Variants in LOC122539214 observed in about 807,000 individuals in gnomAD.
chr19:52,682,538 G>A, the LOC122539214 span, among the ~76,000 whole-genome samples: 1 of 152,054 alleles, frequency 6.6e-6, no homozygotes, highest in Non-Finnish European at 1.5e-5. Flanking sequence ...AGGCATGGCA[G>A]TGCATACCTG....
the LOC122539214 span, among the ~76,000 whole-genome samples, chr19:52,672,974 C>T: frequency 6.6e-6 from 1 of 151,128 alleles, no homozygotes; most frequent in African/African-American, 2.5e-5. Context: ...AACAGAATGA[C>T]TGTAGTCAAT....
the LOC122539214 span, chr19:52,655,378 C>G: frequency 1.8e-6 from 1 of 571,264 alleles, no homozygotes; most frequent in East Asian, 3.1e-5. Context: ...TTATGTAAAA[C>G]CACTCCATAG....
At chr19:52,688,651 C>T in the LOC122539214 span, among the ~76,000 whole-genome samples, 1 of 152,010 alleles carries the variant, frequency 6.6e-6, no homozygotes, top group African/African-American at 2.4e-5. Context: ...ACCTCTTCTG[C>T]TCCATCCTTG....
At chr19:52,659,613 C>CAAAAAAAAAAAAA in the LOC122539214 span, among the ~76,000 whole-genome samples, 5 of 114,284 alleles carry the variant, frequency 4.4e-5, no homozygotes, top group African/African-American at 6.5e-5. Context: ...GACTCCAACT[C>CAAAAAAAAAAAAA]AAAAAAAAAA....
the LOC122539214 span, among the ~76,000 whole-genome samples, chr19:52,686,605 G>C: frequency 2.0e-5 from 3 of 151,420 alleles, no homozygotes; most frequent in African/African-American, 4.9e-5. Context: ...ATGGAGACTC[G>C]CTATGCCACC....
At chr19:52,650,888 G>A in the LOC122539214 span, 1 of 152,114 alleles carries the variant, frequency 6.6e-6, no homozygotes, top group Non-Finnish European at 1.5e-5. Flanking sequence ...GCTAATGAGT[G>A]GTCAAGGGAG....
the LOC122539214 span, among the ~76,000 whole-genome samples, chr19:52,676,693 A>G: frequency 3.4e-3 from 459 of 135,900 alleles, 14 homozygotes; most frequent in Middle Eastern, 0.026. Flanking sequence ...AAGCGGGGAA[A>G]GGTGGGGAAA....
chr19:52,663,322 C>A, the LOC122539214 span, among the ~76,000 whole-genome samples: 7 of 152,046 alleles, frequency 4.6e-5, no homozygotes, highest in Non-Finnish European at 7.3e-5. Context: ...AATTGTGAAC[C>A]CCTAGCTATA....
At chr19:52,683,323 A>T in the LOC122539214 span, among the ~76,000 whole-genome samples, 3 of 150,766 alleles carry the variant, frequency 2.0e-5, no homozygotes, top group African/African-American at 4.9e-5. Flanking sequence ...CCAGTAGAGC[A>T]TCATCGCCAC....
At chr19:52,689,123 G>C in the LOC122539214 span, among the ~76,000 whole-genome samples, 1 of 152,172 alleles carries the variant, frequency 6.6e-6, no homozygotes, top group Non-Finnish European at 1.5e-5. Flanking sequence ...TTATGCTATA[G>C]ATTACACAAC....
chr19:52,690,214 G>T, the LOC122539214 span, among the ~76,000 whole-genome samples: 1 of 151,112 alleles, frequency 6.6e-6, no homozygotes, highest in African/African-American at 2.4e-5. Flanking sequence ...ACAACTACGC[G>T]ATAGGAAGTG....
At chr19:52,654,072 C>T in the LOC122539214 span, 3 of 1,595,956 alleles carry the variant, frequency 1.9e-6, no homozygotes, top group Non-Finnish European at 2.6e-6. Flanking sequence ...TATCAATTTT[C>T]CCTTCAGTCT....
chr19:52,678,219 G>A, the LOC122539214 span, among the ~76,000 whole-genome samples: 24 of 151,972 alleles, frequency 1.6e-4, no homozygotes, highest in African/African-American at 5.1e-4. Flanking sequence ...TTGGGAGGTC[G>A]AGGCAGGTAG....
the LOC122539214 span, among the ~76,000 whole-genome samples, chr19:52,670,416 G>A: frequency 6.6e-6 from 1 of 152,126 alleles, no homozygotes; most frequent in African/African-American, 2.4e-5. Context: ...CCCCTCCCTT[G>A]TTCAGGTACG....
At chr19:52,664,636 G>T in the LOC122539214 span, among the ~76,000 whole-genome samples, 554 of 152,226 alleles carry the variant, frequency 3.6e-3, 1 homozygote, top group Admixed American at 7.1e-3. Flanking sequence ...AGCCAGGACT[G>T]GGGGGTGGAA....
the LOC122539214 span, among the ~76,000 whole-genome samples, chr19:52,684,387 A>G: frequency 1.3e-5 from 2 of 151,862 alleles, no homozygotes; most frequent in Non-Finnish European, 2.9e-5. Flanking sequence ...AAATAAAAAT[A>G]AAAATACAAA....
At chr19:52,684,583 G>C in the LOC122539214 span, among the ~76,000 whole-genome samples, 28 of 151,222 alleles carry the variant, frequency 1.9e-4, no homozygotes, top group African/African-American at 6.1e-4. Flanking sequence ...AAGAAAAAGT[G>C]CTTCTGATAT....
the LOC122539214 span, among the ~76,000 whole-genome samples, chr19:52,666,310 A>C: frequency 6.6e-6 from 1 of 152,052 alleles, no homozygotes; most frequent in Admixed American, 6.6e-5. Context: ...AAAACAGTAT[A>C]CCCTATTCCT....
chr19:52,681,553 A>G, the LOC122539214 span, among the ~76,000 whole-genome samples: 4 of 152,218 alleles, frequency 2.6e-5, no homozygotes, highest in Admixed American at 2.6e-4. Context: ...AAGCCATAAA[A>G]TAACATACTG....
Sources: gnomAD v4.1 joint callset for allele counts (sites outside exome capture counted in the v4.1 genomes callset) on GRCh38, gnomAD v4.1.1 for gene constraint, MANE v1.5 for transcripts.